PITPNM3: variants seen among roughly 807,000 people sequenced by gnomAD.
PITPNM3 encodes PITPNM family member 3, also known as membrane-associated phosphatidylinositol transfer protein 3.
Under a neutral mutation model 102.0 loss-of-function variants are expected in PITPNM3, and 26 were observed. The observed-to-expected ratio is 0.25, with a 90% confidence interval of 0.19 to 0.35. The LOEUF (loss-of-function observed/expected upper bound fraction) is 0.35, where lower values mean the gene tolerates loss of function less well. Ranked by LOEUF, PITPNM3 falls within the 10% of genes least tolerant of loss-of-function variation. PITPNM3 has a pLI of 1.00. For synonymous variants in PITPNM3, 578 were observed against 558.6 expected (o/e 1.03, Z -0.49); for missense variants, 1,083 against 1,346.1 (o/e 0.80, Z 3.06).
chr17:6,478,062 C>T lies in PITPNM3; in HGVS notation c.813G>A (p.Leu271=), dbSNP rs1279589812. ...CACTGTAGCAGATGGCATCGAAGGC[C>T]AGGAGGCCCCCCACACAGTCCCCGA... is the stretch of plus-strand genomic sequence containing the variant. ...CLIGDCVGGL[L]AFDAICYSAG... Residue 271 remains leucine (L), a synonymous_variant, in exon 8 of 20, where the codon CTG becomes CTA. Transcript: ENST00000262483. This position sits in a 1 kb window ranked among gnomAD's most constrained non-coding sequence, Gnocchi z 4.4. 1 of 1,613,622 alleles carries T rather than the reference C, an allele frequency of 6.2e-7. No individual in the cohort carries two copies. The highest frequency in any genetic ancestry group is 1.3e-5 in the African/African-American group (1 of 74,950).
intron 2 of PITPNM3, among the ~76,000 whole-genome samples, chr17:6,528,465 T>C (rs1285778335): frequency 1.3e-5 from 2 of 152,058 alleles, no homozygotes; most frequent in Admixed American, 1.3e-4. Context: ...TGCACGTGCA[T>C]GTGTGTGTGC....
intron 4 of PITPNM3, among the ~76,000 whole-genome samples, chr17:6,485,988 C>T (rs943296083): frequency 1.3e-5 from 2 of 152,338 alleles, no homozygotes; most frequent in South Asian, 4.1e-4. Context: ...TATTTATTAT[C>T]TGGCCCTTTC....
intron 1 of PITPNM3, among the ~76,000 whole-genome samples, chr17:6,540,247 T>C (rs1248103834): frequency 6.6e-6 from 1 of 152,180 alleles, no homozygotes; most frequent in East Asian, 1.9e-4. Context: ...GGGAACACTG[T>C]GGGGAATGGA....
At chr17:6,518,579 A>T (rs969124307) in intron 3 of PITPNM3, among the ~76,000 whole-genome samples, 2 of 152,226 alleles carry the variant, frequency 1.3e-5, no homozygotes, top group African/African-American at 4.8e-5. Context: ...ATAAATTCCA[A>T]GGAAGTAGAA....
In PITPNM3 at chr17:6,470,227, C is replaced by T; in HGVS notation, c.1773+33G>A. ...AAGGGGCGGTACCCCCTTGGGGTGG[C>T]TGTGGGCAGGCCCGCGACTGCGGCA... On this transcript the variant is annotated intron_variant, in intron 13 of 19. Transcript: ENST00000262483. The surrounding 1 kb of genome is among the most constrained non-coding windows in gnomAD (Gnocchi z 4.8). The T allele has an allele frequency of 6.4e-7, 1 of 1,572,534 alleles. No homozygotes were observed. Among genetic ancestry groups the T allele is most frequent in the African/African-American group, 1.3e-5 (1 of 74,330 alleles).
At chr17:6,514,107 T>A (rs1908015946) in intron 3 of PITPNM3, among the ~76,000 whole-genome samples, 1 of 152,108 alleles carries the variant, frequency 6.6e-6, no homozygotes, top group Admixed American at 6.5e-5. Context: ...TACACAAAAA[T>A]TAATTCAAAG....
chr17:6,508,354 C>A (rs903698089), intron 3 of PITPNM3, among the ~76,000 whole-genome samples: 1 of 152,206 alleles, frequency 6.6e-6, no homozygotes, highest in Non-Finnish European at 1.5e-5. Flanking sequence ...GGCTTCCATG[C>A]CTATGCAATA....
chr17:6,529,592 CA>C (rs67428345), intron 2 of PITPNM3, among the ~76,000 whole-genome samples: 81,573 of 142,052 alleles, frequency 0.57, 23,927 homozygotes, highest in Non-Finnish European at 0.68. Context: ...GACTCCATCT[CA>C]AAAAAAAAAA....
At chr17:6,507,044 G>A (rs1372732809) in intron 3 of PITPNM3, among the ~76,000 whole-genome samples, 4 of 152,188 alleles carry the variant, frequency 2.6e-5, no homozygotes, top group African/African-American at 9.7e-5. Context: ...AAGACATGGT[G>A]GAGTATAAGC....
Position 6,453,021 on chromosome 17 carries a change from TC to T in PITPNM3, c.*2316del. 8.0e-6 allele frequency: 1 copy of T among 125,642 alleles called. No individual in the cohort carries two copies. Among genetic ancestry groups the T allele is most frequent in the African/African-American group, 2.6e-5 (1 of 38,330 alleles). The allele number at this position is 125,642 out of a possible 1,614,324, so 7.8% of individuals were successfully genotyped here. A position where few individuals can be genotyped will look rare whatever the true frequency, so the allele number is the denominator to read the frequency against. On this transcript the variant is annotated 3_prime_UTR_variant, in exon 20 of 20. Coordinates refer to ENST00000262483, the MANE Select transcript of PITPNM3 (RefSeq NM_031220.4). ...CTTCCTTTCTCTCTCTCTCTCTCTCTCTGCCTTCCTGTCTTTCTTTCTCCCT... is the reference window on the plus strand; with the variant it reads ...CTTCCTTTCTCTCTCTCTCTCTCTCTTGCCTTCCTGTCTTTCTTTCTCCCT...
intron 3 of PITPNM3, among the ~76,000 whole-genome samples, chr17:6,512,669 C>A (rs187497275): frequency 3.9e-5 from 6 of 152,172 alleles, no homozygotes; most frequent in African/African-American, 1.4e-4. Context: ...TATTGAGATA[C>A]AAGGTCATAA....
intron 19 of PITPNM3, among the ~76,000 whole-genome samples, chr17:6,456,717 T>C (rs1027364458): frequency 2.6e-5 from 4 of 152,170 alleles, no homozygotes; most frequent in African/African-American, 9.7e-5. Context: ...CATTGCACAC[T>C]TGACATGCCC....
In PITPNM3 at chr17:6,458,738, C is replaced by G. The variant is rs531546495; in HGVS notation, c.2491-1016G>C. Among the ~76,000 whole-genome samples, 1 of 152,098 alleles carries G rather than the reference C, an allele frequency of 6.6e-6. No homozygotes were observed. Among genetic ancestry groups the G allele is most frequent in the Non-Finnish European group, 1.5e-5 (1 of 68,026 alleles). On this transcript the variant is annotated intron_variant, in intron 18 of 19. Coordinates refer to ENST00000262483, the MANE Select transcript of PITPNM3 (RefSeq NM_031220.4). The surrounding 1 kb of genome is among the most constrained non-coding windows in gnomAD (Gnocchi z 5.1). Reference sequence around the variant, plus strand: ...ATCCTGCCTGAGTGACCCATGGCATCCCTGTGTCCTTGCCTCCACCCCGGA... The same window carrying G: ...ATCCTGCCTGAGTGACCCATGGCATGCCTGTGTCCTTGCCTCCACCCCGGA...
At chr17:6,524,023 G>A (rs947345197) in intron 3 of PITPNM3, among the ~76,000 whole-genome samples, 1 of 152,202 alleles carries the variant, frequency 6.6e-6, no homozygotes, top group African/African-American at 2.4e-5. Flanking sequence ...TCTGAGCCTG[G>A]GTTCTTTGTT....
intron 1 of PITPNM3, among the ~76,000 whole-genome samples, chr17:6,539,846 G>A (rs1027829120): frequency 6.6e-6 from 1 of 152,202 alleles, no homozygotes; most frequent in African/African-American, 2.4e-5. Flanking sequence ...AATTTGGATA[G>A]TCAGCAAAGT....
rs1017991507 is a variant in PITPNM3, at chr17:6,464,222, G to A, written c.2104C>T (p.Pro702Ser). The change falls in exon 16 of 20, where the codon CCG (proline) becomes TCG (serine). Residue 702 changes from proline to serine, a missense_variant. Physicochemically the swap from Pro to Ser is moderately conservative, Grantham distance 74. This residue lies in a region of PITPNM3 where 410 missense variants were observed against 638.4 expected (regional missense o/e 0.64). Transcript: ENST00000262483. Reference protein sequence around the residue: ...NSSGRITYNVPRPRRLGVGVY... With the variant: ...NSSGRITYNVSRPRRLGVGVY... ...CCAACCCCCAGGCGCCGGGGCCGCG[G>A]CACATTGTATGTGATGCGACCACTG... is the stretch of plus-strand genomic sequence containing the variant. The A allele has an allele frequency of 6.2e-7, 1 of 1,614,166 alleles. No homozygotes were observed. The highest frequency in any genetic ancestry group is 8.5e-7 in the Non-Finnish European group (1 of 1,180,012).
In PITPNM3 at chr17:6,472,292, G is replaced by A. The variant is rs1905110829; in HGVS notation, c.1429+365C>T. On this transcript the variant is annotated intron_variant, in intron 11 of 19. Coordinates refer to ENST00000262483, the MANE Select transcript of PITPNM3 (RefSeq NM_031220.4). The surrounding 1 kb of genome is among the most constrained non-coding windows in gnomAD (Gnocchi z 4.1). The stretch of plus-strand genomic sequence containing the variant: ...AATCAAAGGCCACCTCTTCCATGAA[G>A]CCCACCAGGATGGCACACTCTCTGC... Among the ~76,000 whole-genome samples, 1 of 152,086 alleles carries A rather than the reference G, an allele frequency of 6.6e-6. No homozygotes were observed. The highest frequency in any genetic ancestry group is 2.4e-5 in the African/African-American group (1 of 41,398).
Position 6,491,359 on chromosome 17 carries a change from C to T in PITPNM3, c.275-7067G>A, listed in dbSNP as rs142965241. On this transcript the variant is annotated intron_variant, in intron 4 of 19. Transcript: ENST00000262483. The stretch of plus-strand genomic sequence containing the variant: ...ATGTGGGCTCATGAATGGGAACCTG[C>T]GGCCACACAAGATGTGGGGACCAAC... Among the ~76,000 whole-genome samples the T allele has an allele frequency of 3.9e-3, 587 of 152,256 alleles. 2 individuals are homozygous for T. The highest frequency in any genetic ancestry group is 0.013 in the African/African-American group (549 of 41,548).
At chr17:6,526,050 G>T (rs1406777581) in intron 2 of PITPNM3, among the ~76,000 whole-genome samples, 2 of 152,236 alleles carry the variant, frequency 1.3e-5, no homozygotes, top group African/African-American at 4.8e-5. Flanking sequence ...AACTGGAGGA[G>T]AAGAAACCTT....
Sources: allele counts gnomAD v4.1 joint callset (sites outside exome capture counted in the v4.1 genomes callset), GRCh38; gene constraint gnomAD v4.1.1; regional missense constraint gnomAD v4.1.1; non-coding constraint Gnocchi (gnomAD v3.1); transcripts MANE v1.5; gene names NCBI Gene and HGNC (gene_info 2026-07-23, HGNC 2026-07-21).